The following RUVBL2 variants were observed in gnomAD, a reference collection of about 807,000 sequenced individuals.
RUVBL2 encodes the protein RuvB like AAA ATPase 2, also known as ruvB-like 2.
A neutral mutation model predicts 57.9 loss-of-function variants in RUVBL2; 9 were observed. The ratio of observed to expected loss-of-function variants is 0.16; its 90% CI spans 0.09 to 0.27. RUVBL2 has a LOEUF of 0.27. Ranked by LOEUF, RUVBL2 falls within the 10% of genes least tolerant of loss-of-function variation. The pLI is 1.00. For synonymous variants in RUVBL2, 278 were observed against 264.6 expected, an observed-to-expected ratio of 1.05 and a Z score of -0.49; for missense variants, 456 against 669.6, an observed-to-expected ratio of 0.68 and a Z score of 3.52.
chr19:49,010,488 A>T lies in RUVBL2; in HGVS notation c.664A>T (p.Thr222Ser). The T allele has an allele frequency of 4.3e-6, 4 of 930,106 alleles. No individual in the cohort carries two copies. The highest frequency in any genetic ancestry group is 5.7e-6 in the Non-Finnish European group (4 of 707,558). The allele number at this position is 930,106 out of a possible 1,614,324, so 57.6% of individuals were successfully genotyped here. A position where few individuals can be genotyped will look rare whatever the true frequency, so the allele number is the denominator to read the frequency against. ...TTCTTCCCCCACCCCCGCCCCATAG[A>T]CCAAGTTCGTGCAGTGCCCAGATGG... is the stretch of plus-strand genomic sequence containing the variant. ...ARDYDAMGSQTKFVQCPDGEL... is the reference protein window; with the variant it reads ...ARDYDAMGSQSKFVQCPDGEL... The change falls in exon 9 of 15, where the codon ACC becomes TCC. Residue 222 changes from threonine to serine, a missense_variant and splice_region_variant. Around this residue, in one of 5 missense-constraint regions of RUVBL2, gnomAD observed 233 missense variants for 306.0 expected, o/e 0.76. Transcript: ENST00000595090.
intron 5 of RUVBL2, 66 bp downstream of exon 5, chr19:49,007,213 G>A: frequency 6.2e-7 from 1 of 1,608,032 alleles, no homozygotes; most frequent in South Asian, 1.1e-5. Context: ...ACCCCGGGCG[G>A]CTCGTCCTTT....
At chr19:49,014,963 C>G in intron 12 of RUVBL2, 58 bp from the exon 13 acceptor site, 1 of 1,553,778 alleles carries the variant, frequency 6.4e-7, no homozygotes, top group Non-Finnish European at 8.7e-7. Context: ...GTGGCCACTT[C>G]TGCTGCAGTC....
intron 2 of RUVBL2, among the ~76,000 whole-genome samples, chr19:49,000,549 T>C (rs2039158730): frequency 6.7e-6 from 1 of 149,328 alleles, no homozygotes; most frequent in African/African-American, 2.5e-5. Context: ...AGTGAAACTC[T>C]GTCTCTCAAT....
At chr19:49,014,902 C>A in intron 12 of RUVBL2, 119 bp from the exon 13 acceptor site, 2 of 1,374,196 alleles carry the variant, frequency 1.5e-6, no homozygotes, top group Non-Finnish European at 2.0e-6. Context: ...TTCTATGGTT[C>A]TAAGATGCAG....
intron 8 of RUVBL2, 44 bp downstream of exon 8, chr19:49,010,110 G>C (rs1398473437): frequency 5.1e-6 from 8 of 1,560,626 alleles, no homozygotes; most frequent in Non-Finnish European, 7.0e-6. Context: ...CAGCACTGGG[G>C]TGTTTTCATC....
rs149616972 is a variant in RUVBL2 at position 49,007,756 on chromosome 19, A to G, written c.462+388A>G. 5.1e-3 allele frequency among the ~76,000 whole-genome samples: 778 copies of G among 152,126 alleles called. 6 individuals are homozygous for G. The highest frequency in any genetic ancestry group is 0.018 in the African/African-American group (733 of 41,484). Reference sequence around the variant, plus strand: ...GTCTCCCTCTGTCCCCCAGACTGGAATGCAGTGGTGCAATCTCGGCTCACT... The same window carrying G: ...GTCTCCCTCTGTCCCCCAGACTGGAGTGCAGTGGTGCAATCTCGGCTCACT... On this transcript the variant is annotated intron_variant, in intron 6 of 14. Coordinates refer to ENST00000595090, the MANE Select transcript of RUVBL2 (RefSeq NM_006666.3).
Position 49,011,369 on chromosome 19 carries a change from C to T in RUVBL2, c.1001+59C>T. 7.2e-7 allele frequency: 1 copy of T among 1,386,468 alleles called. No homozygotes were observed. 85.9% of individuals were successfully genotyped at this position (1,386,468 alleles called of 1,614,324 possible). A position where few individuals can be genotyped will look rare whatever the true frequency, so the allele number is the denominator to read the frequency against. On this transcript the variant is annotated intron_variant, in intron 11 of 14. Coordinates refer to ENST00000595090, the MANE Select transcript of RUVBL2 (RefSeq NM_006666.3). The surrounding 1 kb of genome is among the most constrained non-coding windows in gnomAD (Gnocchi z 4.4). ...GGATGCTCTGGGCAGTGGGTGTGGT[C>T]AGAGGGTCAATGGGAGCCTGTGTTG... is the stretch of plus-strand genomic sequence containing the variant.
In RUVBL2 at chr19:49,014,562, C is replaced by G. The variant is rs373777874; in HGVS notation, c.1080C>G (p.Thr360=). The G allele has an allele frequency of 1.4e-5, 22 of 1,614,126 alleles. No individual in the cohort carries two copies. The highest frequency in any genetic ancestry group is 4.5e-5 in the East Asian group (2 of 44,892). The change falls in exon 12 of 15, where the codon ACC becomes ACG. Residue 360 remains threonine (T), a synonymous_variant. Coordinates refer to ENST00000595090, the MANE Select transcript of RUVBL2 (RefSeq NM_006666.3). The part of the protein sequence containing the change: ...LLDRLLIVST[T]PYSEKDTKQI... ...ACCGGCTGCTTATCGTCTCCACCAC[C>G]CCCTACAGCGAGAAAGACACGAAGC...
At chr19:49,004,842 T>A (rs1040427416) in intron 4 of RUVBL2, among the ~76,000 whole-genome samples, 1 of 152,198 alleles carries the variant, frequency 6.6e-6, no homozygotes, top group African/African-American at 2.4e-5. Context: ...TGTAATCATA[T>A]GATCACACTC....
At chr19:49,007,529 A>G (rs145906217) in intron 6 of RUVBL2, among the ~76,000 whole-genome samples, 161 bp downstream of exon 6, 57 of 152,296 alleles carry the variant, frequency 3.7e-4, no homozygotes, top group Non-Finnish European at 7.1e-4. Context: ...TAACTTGACA[A>G]TGGCTTATCC....
intron 2 of RUVBL2, among the ~76,000 whole-genome samples, chr19:49,002,013 T>C (rs1299993526): frequency 6.6e-6 from 1 of 151,938 alleles, no homozygotes; most frequent in Non-Finnish European, 1.5e-5. Context: ...AGTATATAAA[T>C]GGCAGTGTTC....
intron 8 of RUVBL2, 172 bp downstream of exon 8, chr19:49,010,238 C>T: frequency 1.4e-6 from 1 of 737,466 alleles, no homozygotes; most frequent in Non-Finnish European, 2.2e-6. Flanking sequence ...CAGCCTGGCA[C>T]TATAGCTTCG....
chr19:49,007,203 A>C, intron 5 of RUVBL2, 56 bp downstream of exon 5: 1 of 1,609,050 alleles, frequency 6.2e-7, no homozygotes, highest in African/African-American at 1.3e-5. Flanking sequence ...GCAACCCCGC[A>C]CCCCGGGCGG....
intron 6 of RUVBL2, 89 bp from the exon 7 acceptor site, chr19:49,009,687 G>T (rs1485769143): frequency 3.5e-6 from 4 of 1,134,676 alleles, no homozygotes; most frequent in Non-Finnish European, 2.7e-6. Context: ...AGAGGCCAGA[G>T]CAGAGCCAGA....
At chr19:49,012,630 CAA>C (rs2039450919) in intron 11 of RUVBL2, among the ~76,000 whole-genome samples, 1 of 152,236 alleles carries the variant, frequency 6.6e-6, no homozygotes, top group Non-Finnish European at 1.5e-5. Context: ...CTTTCGGCAA[CAA>C]ATTCAAGTCA....
At chr19:48,993,849 C>T (rs914211947), upstream of RUVBL2, 7 of 1,607,748 alleles carry the variant, frequency 4.4e-6, no homozygotes, top group African/African-American at 6.7e-5. Context: ...CCTAGAGGAG[C>T]CAGAACATCT....
At chr19:48,995,360 T>C (rs370384279) in intron 1 of RUVBL2, among the ~76,000 whole-genome samples, 19 of 150,274 alleles carry the variant, frequency 1.3e-4, no homozygotes, top group Admixed American at 5.3e-4. Flanking sequence ...CCTAGTCTTC[T>C]GCTTGTAGTC....
At chr19:49,012,043 G>A (rs1206340421) in intron 11 of RUVBL2, among the ~76,000 whole-genome samples, 2 of 152,122 alleles carry the variant, frequency 1.3e-5, no homozygotes, top group East Asian at 1.9e-4. Context: ...TGGAGGGCAG[G>A]CAGCCCCCAT....
At chr19:49,003,980 G>A (rs2039232954) in intron 3 of RUVBL2, among the ~76,000 whole-genome samples, 1 of 151,684 alleles carries the variant, frequency 6.6e-6, no homozygotes. Flanking sequence ...GCTGGACATG[G>A]TGGTGCACAT....
Sources: allele counts gnomAD v4.1 joint callset (sites outside exome capture counted in the v4.1 genomes callset), GRCh38; gene constraint gnomAD v4.1.1; regional missense constraint gnomAD v4.1.1; non-coding constraint Gnocchi (gnomAD v3.1); transcripts MANE v1.5; gene names NCBI Gene and HGNC (gene_info 2026-07-23, HGNC 2026-07-21).